Variants in KATNAL1 observed in about 807,000 individuals in gnomAD.
KATNAL1 encodes the protein katanin catalytic subunit A1 like 1.
Under a neutral mutation model 55.2 loss-of-function variants are expected in KATNAL1, and 32 were observed. That is an observed-to-expected ratio of 0.58 (90% CI 0.44 to 0.78). The LOEUF is 0.78. Ranked by LOEUF, KATNAL1 falls within the 30% of genes least tolerant of loss-of-function variation. The pLI, the probability that KATNAL1 is intolerant of heterozygous loss-of-function variation, is 0.00. For synonymous variants in KATNAL1, 193 were observed against 193.6 expected (o/e 1.00, Z 0.02); for missense variants, 466 against 600.9 (o/e 0.78, Z 2.35).
At position 30,255,922 on chromosome 13, in the gene KATNAL1, TAAC is replaced by T. The variant is rs1878745614; in HGVS notation, c.324-310_324-308del. The stretch of plus-strand genomic sequence containing the variant: ...ACAGACTATCCCTATCTAATAATCT[TAAC>T]AACATAATGGAAAGGCAATAATTTT... On this transcript the variant is annotated intron_variant, in intron 3 of 10. Transcript: ENST00000380615. Among the ~76,000 whole-genome samples the T allele has an allele frequency of 2.0e-5, 3 of 152,324 alleles. No individual in the cohort carries two copies. The South Asian group carries it at 6.2e-4, about 32-fold the overall frequency.
At chr13:30,251,372 T>G (rs1336865893) in intron 4 of KATNAL1, among the ~76,000 whole-genome samples, 1 of 152,172 alleles carries the variant, frequency 6.6e-6, no homozygotes, top group African/African-American at 2.4e-5. Context: ...CTTCCAAAAT[T>G]CATGTTGGTA....
At chr13:30,290,767 T>C (rs964875219) in intron 1 of KATNAL1, among the ~76,000 whole-genome samples, 8 of 152,198 alleles carry the variant, frequency 5.3e-5, no homozygotes, top group African/African-American at 1.9e-4. Flanking sequence ...ATAGATAATG[T>C]ATTATGACCC....
chr13:30,300,850 A>G (rs1249441044), intron 1 of KATNAL1, among the ~76,000 whole-genome samples: 1 of 152,240 alleles, frequency 6.6e-6, no homozygotes, highest in Non-Finnish European at 1.5e-5. Context: ...TATTTTTTAC[A>G]TGTATACAAA....
chr13:30,209,046 A>G (rs1873413423), intron 10 of KATNAL1, among the ~76,000 whole-genome samples: 1 of 152,212 alleles, frequency 6.6e-6, no homozygotes, highest in South Asian at 2.1e-4. Context: ...CTGAAGTCAA[A>G]TTTTGAAATA....
chr13:30,286,082 G>C (rs1270314175), intron 1 of KATNAL1, among the ~76,000 whole-genome samples: 1 of 152,212 alleles, frequency 6.6e-6, no homozygotes, highest in Non-Finnish European at 1.5e-5. Context: ...ATGTTTAAAA[G>C]GGAAGCAGTG....
In KATNAL1 at chr13:30,206,669, C is replaced by A. The variant is rs1056953318; in HGVS notation, c.*1871G>T. 1 of 151,088 alleles carries A rather than the reference C, an allele frequency of 6.6e-6. No individual in the cohort carries two copies. Among genetic ancestry groups the A allele is most frequent in the Non-Finnish European group, 1.5e-5 (1 of 67,780 alleles). 9.4% of individuals were successfully genotyped at this position (151,088 alleles called of 1,614,324 possible). ...TTTGCCATTGAAAGTAATGGAAAAACCACAATTACTTTTGCACCAACCCAT... is the reference window on the plus strand; with the variant it reads ...TTTGCCATTGAAAGTAATGGAAAAAACACAATTACTTTTGCACCAACCCAT... On this transcript the variant is annotated 3_prime_UTR_variant, in exon 11 of 11. Coordinates refer to ENST00000380615, the MANE Select transcript of KATNAL1 (RefSeq NM_032116.5).
intron 9 of KATNAL1, among the ~76,000 whole-genome samples, chr13:30,222,198 G>A (rs1039387971): frequency 6.6e-6 from 1 of 152,282 alleles, no homozygotes; most frequent in East Asian, 1.9e-4. Context: ...TGGAAGGTCT[G>A]AATAAAACAC....
intron 3 of KATNAL1, among the ~76,000 whole-genome samples, chr13:30,272,093 G>C (rs967618645): frequency 1.2e-4 from 19 of 152,192 alleles, no homozygotes; most frequent in African/African-American, 4.1e-4. Context: ...AGAGCAGCAG[G>C]ATTTCTTGTA....
Position 30,230,610 on chromosome 13 carries a change from T to G in KATNAL1, c.886-16A>C. On this transcript the variant is annotated splice_polypyrimidine_tract_variant and intron_variant, in intron 7 of 10. Transcript: ENST00000380615. ...AAAATCTAGCCTTTATGAAAATATT[T>G]TAAAGAAATCATTCAATAATCTCAT... 1 of 1,562,962 alleles carries G rather than the reference T, an allele frequency of 6.4e-7. No individual in the cohort carries two copies. The highest frequency in any genetic ancestry group is 1.8e-5 in the Admixed American group (1 of 54,256).
In KATNAL1 at chr13:30,280,243, C is replaced by G. The variant is rs370907079; in HGVS notation, c.163-20G>C. On this transcript the variant is annotated intron_variant, in intron 2 of 10. Transcript: ENST00000380615. ...CCGAACCTTAAAAAAAAAAAATAGG[C>G]TTTATGCTAGAAGCTGTTTAAATAC... 2.0e-5 allele frequency: 31 copies of G among 1,539,598 alleles called. No individual in the cohort carries two copies. The African/African-American group carries it at 3.8e-4, about 19-fold the overall frequency.
chr13:30,213,855 A>T (rs1873936811), intron 9 of KATNAL1, among the ~76,000 whole-genome samples: 2 of 152,214 alleles, frequency 1.3e-5, no homozygotes, highest in Non-Finnish European at 2.9e-5. Flanking sequence ...TCCCTTTGAA[A>T]ACGGGCACAA....
rs1317168547 is a variant in KATNAL1 at position 30,271,576 on chromosome 13, T to G, written c.323+8487A>C. ...ACCAGATCTCTTGAGAACCCTATCA[T>G]GAGAACAGCACCAAAGGGGGAAATC... On this transcript the variant is annotated intron_variant, in intron 3 of 10. Coordinates refer to ENST00000380615, the MANE Select transcript of KATNAL1 (RefSeq NM_032116.5). Among the ~76,000 whole-genome samples, 4 of 152,188 alleles carry G rather than the reference T, an allele frequency of 2.6e-5. No homozygotes were observed. The East Asian group carries it at 7.7e-4, about 29-fold the overall frequency.
At chr13:30,209,036 C>T (rs553240443) in intron 10 of KATNAL1, among the ~76,000 whole-genome samples, 23 of 152,254 alleles carry the variant, frequency 1.5e-4, no homozygotes, top group African/African-American at 4.3e-4. Context: ...GTTTAGGAAA[C>T]TGAAGTCAAA....
At chr13:30,246,246 T>C (rs529030172) in intron 4 of KATNAL1, among the ~76,000 whole-genome samples, 8 of 152,274 alleles carry the variant, frequency 5.3e-5, no homozygotes, top group African/African-American at 1.9e-4. Context: ...GCCACACATC[T>C]ACAACCATCT....
intron 6 of KATNAL1, among the ~76,000 whole-genome samples, chr13:30,232,139 A>G (rs1051127645): frequency 1.3e-5 from 2 of 152,232 alleles, no homozygotes; most frequent in Non-Finnish European, 2.9e-5. Context: ...TATTCTATAA[A>G]AAGAAATCAG....
chr13:30,295,025 A>G (rs999006244), intron 1 of KATNAL1, among the ~76,000 whole-genome samples: 5 of 152,220 alleles, frequency 3.3e-5, no homozygotes, highest in Non-Finnish European at 7.3e-5. Context: ...ACTCACTGAC[A>G]ATGCACCTGG....
chr13:30,227,347 G>T, intron 9 of KATNAL1, 65 bp downstream of exon 9: 1 of 1,506,268 alleles, frequency 6.6e-7, no homozygotes, highest in Non-Finnish European at 9.1e-7. Context: ...ATGGAATAAA[G>T]ATTTAGATAC....
chr13:30,278,686 T>C (rs975405437), intron 3 of KATNAL1, among the ~76,000 whole-genome samples: 1 of 152,238 alleles, frequency 6.6e-6, no homozygotes, highest in Non-Finnish European at 1.5e-5. Flanking sequence ...AAACTAGAAG[T>C]ATATTTCAGA....
intron 10 of KATNAL1, 66 bp from the exon 11 acceptor site, chr13:30,208,804 CAA>C: frequency 9.4e-7 from 1 of 1,059,994 alleles, no homozygotes. Context: ...TCAATTGTAA[CAA>C]AGTTATGAAA....
Sources: gnomAD v4.1 joint callset for allele counts (sites outside exome capture counted in the v4.1 genomes callset) on GRCh38, gnomAD v4.1.1 for gene constraint, MANE v1.5 for transcripts, NCBI Gene and HGNC (gene_info 2026-07-23, HGNC 2026-07-21) for gene names.